PDGFC: variants seen among roughly 807,000 people sequenced by gnomAD.
PDGFC encodes platelet-derived growth factor C.
Under a neutral mutation model 35.5 loss-of-function variants are expected in PDGFC, and 12 were observed. The observed-to-expected ratio is 0.34, with a 90% CI of 0.22 to 0.55. The LOEUF (loss-of-function observed/expected upper bound fraction) is 0.55, where lower values mean the gene tolerates loss of function less well. Ranked by LOEUF, PDGFC falls within the 20% of genes least tolerant of loss-of-function variation. PDGFC has a pLI of 0.91. For missense variants in PDGFC, 322 were observed against 412.4 expected (o/e 0.78, Z 1.90); for synonymous variants, 159 against 148.8 (o/e 1.07, Z -0.50).
intron 1 of PDGFC, among the ~76,000 whole-genome samples, chr4:156,883,355 T>A (rs6846465): frequency 0.061 from 9,320 of 152,168 alleles, 914 homozygotes; most frequent in African/African-American, 0.21. Flanking sequence ...TGGATTAAAG[T>A]CATTGGGTTT....
Position 156,761,983 on chromosome 4 carries a change from T to C in PDGFC, c.*1107A>G, listed in dbSNP as rs1159064759. On this transcript the variant is annotated 3_prime_UTR_variant, in exon 6 of 6. Coordinates refer to ENST00000502773, the MANE Select transcript of PDGFC (RefSeq NM_016205.3). Reference sequence around the variant, plus strand: ...AGATTTCCCCAAAAAAGGAATAGGTTAGTAATGGCTGGATCTGAATGTCTA... The same window carrying C: ...AGATTTCCCCAAAAAAGGAATAGGTCAGTAATGGCTGGATCTGAATGTCTA... The C allele has an allele frequency of 6.6e-6, 1 of 152,652 alleles. No homozygotes were observed. Among genetic ancestry groups the C allele is most frequent in the East Asian group, 1.9e-4 (1 of 5,198 alleles). 9.5% of individuals were successfully genotyped at this position (152,652 alleles called of 1,614,324 possible).
At position 156,761,393 on chromosome 4, in the gene PDGFC, G is replaced by A. The variant is rs1730372257; in HGVS notation, c.*1697C>T. 1 of 152,134 alleles carries A rather than the reference G, an allele frequency of 6.6e-6. No individual in the cohort carries two copies. Among genetic ancestry groups the A allele is most frequent in the African/African-American group, 2.4e-5 (1 of 41,408 alleles). 9.4% of individuals were successfully genotyped at this position (152,134 alleles called of 1,614,324 possible). ...AAACCATACAACTTTCAAGTCAGGTGAAACTTAAATTACCAGAAATCTGTA... is the reference window on the plus strand; with the variant it reads ...AAACCATACAACTTTCAAGTCAGGTAAAACTTAAATTACCAGAAATCTGTA... On this transcript the variant is annotated 3_prime_UTR_variant, in exon 6 of 6. Coordinates refer to ENST00000502773, the MANE Select transcript of PDGFC (RefSeq NM_016205.3).
chr4:156,873,338 T>G (rs554429826), intron 1 of PDGFC, among the ~76,000 whole-genome samples: 1 of 152,182 alleles, frequency 6.6e-6, no homozygotes, highest in Non-Finnish European at 1.5e-5. Flanking sequence ...CCCAAATTCC[T>G]GAAGTGATAG....
rs544370046 is a variant in PDGFC, at chr4:156,829,159, T to C, written c.315-18142A>G. Among the ~76,000 whole-genome samples, 291 of 152,316 alleles carry C rather than the reference T, an allele frequency of 1.9e-3. 2 individuals are homozygous for C. The highest frequency in any genetic ancestry group is 2.7e-3 in the Non-Finnish European group (182 of 67,998). ...TAGGAAAACAACTTTCTAACTCTTA[T>C]GATCTACTAAGATCATCACTCTTAT... On this transcript the variant is annotated intron_variant, in intron 2 of 5. Transcript: ENST00000502773.
chr4:156,768,021 T>G (rs200467587), intron 4 of PDGFC, 31 bp from the exon 5 acceptor site: 1 of 1,269,092 alleles, frequency 7.9e-7, no homozygotes, highest in Admixed American at 1.7e-5. Context: ...CAAAGAAAAA[T>G]AGATGTTGAT....
At chr4:156,834,437 T>C (rs1328554602) in intron 2 of PDGFC, among the ~76,000 whole-genome samples, 1 of 152,158 alleles carries the variant, frequency 6.6e-6, no homozygotes, top group East Asian at 1.9e-4. Flanking sequence ...CATGAAATAA[T>C]TTTAGAAGCA....
At chr4:156,828,061 G>T (rs1728830856) in intron 2 of PDGFC, among the ~76,000 whole-genome samples, 1 of 152,140 alleles carries the variant, frequency 6.6e-6, no homozygotes, top group Admixed American at 6.6e-5. Context: ...ACTTCCGCCG[G>T]AAATGTTATA....
In PDGFC at chr4:156,772,880, G is replaced by T; in HGVS notation, c.509C>A (p.Ala170Asp). 6.2e-7 allele frequency: 1 copy of T among 1,610,898 alleles called. No individual in the cohort carries two copies. Among genetic ancestry groups the T allele is most frequent in the South Asian group, 1.1e-5 (1 of 91,038 alleles). ...YNIVMPQFTE[A>D]VSPSVLPPSA... is the part of the protein sequence containing the mutation. ...AGGGGGTAGCACTGAAGGACTCACA[G>T]CTTCTGTGAATTGCTGAAAGTAAAA... Residue 170 changes from alanine to aspartate, a missense_variant, in exon 4 of 6, where the codon GCT becomes GAT. Ala to Asp is a moderately radical substitution (Grantham distance 126). This residue lies in a region of PDGFC where 202 missense variants were observed against 295.9 expected (regional missense o/e 0.68). Transcript: ENST00000502773.
At chr4:156,798,270 T>C (rs1731504707) in intron 3 of PDGFC, among the ~76,000 whole-genome samples, 1 of 152,100 alleles carries the variant, frequency 6.6e-6, no homozygotes, top group African/African-American at 2.4e-5. Context: ...TAAACCTCAT[T>C]TAAGAGAAGT....
Position 156,970,846 on chromosome 4 carries a change from TC to T in PDGFC, c.57del (p.Thr20LeufsTer7). 1 of 1,613,844 alleles carries T rather than the reference TC, an allele frequency of 6.2e-7. No individual in the cohort carries two copies. Among genetic ancestry groups the T allele is most frequent in the Non-Finnish European group, 8.5e-7 (1 of 1,179,924 alleles). On this transcript the variant is annotated frameshift_variant, in exon 1 of 6. Coordinates refer to ENST00000502773, the MANE Select transcript of PDGFC (RefSeq NM_016205.3). LOFTEE classifies it high-confidence loss of function. ...LTSALAGQRQ[G>X]TQAESNLSSK... ...CTACTCAGGTTGGATTCCGCCTGAG[TC>T]CCCTGTCTCTGGCCGGCCAGGGCAG...
At chr4:156,850,099 T>G in intron 2 of PDGFC, 122 bp downstream of exon 2, 1 of 519,510 alleles carries the variant, frequency 1.9e-6, no homozygotes, top group Admixed American at 3.8e-5. Context: ...GGCTGGAAAT[T>G]TCTTAGATCA....
intron 1 of PDGFC, among the ~76,000 whole-genome samples, chr4:156,877,947 A>G (rs1216320921): frequency 3.9e-5 from 6 of 152,058 alleles, no homozygotes; most frequent in African/African-American, 1.2e-4. Context: ...CTCTCCTAAC[A>G]TGTTATCCTT....
At chr4:156,763,993 TTAAAG>T (rs1560801432) in intron 5 of PDGFC, among the ~76,000 whole-genome samples, 1 of 152,244 alleles carries the variant, frequency 6.6e-6, no homozygotes, top group Non-Finnish European at 1.5e-5. Context: ...AAAATATTAA[TTAAAG>T]TATTTGGTGT....
At chr4:156,896,622 G>A (rs1031576585) in intron 1 of PDGFC, among the ~76,000 whole-genome samples, 2 of 152,090 alleles carry the variant, frequency 1.3e-5, no homozygotes, top group South Asian at 4.1e-4. Context: ...CAAAATTTCA[G>A]TTACATATTT....
chr4:156,805,360 C>A (rs1317352766), intron 3 of PDGFC, among the ~76,000 whole-genome samples: 1 of 151,984 alleles, frequency 6.6e-6, no homozygotes, highest in Non-Finnish European at 1.5e-5. Flanking sequence ...CAAAAAAATT[C>A]TAAGCATCAA....
chr4:156,860,321 A>G (rs1729679964), intron 1 of PDGFC, among the ~76,000 whole-genome samples: 1 of 152,110 alleles, frequency 6.6e-6, no homozygotes, highest in South Asian at 2.1e-4. Flanking sequence ...TGGCATTTGC[A>G]CTGTTTATGT....
rs1410282852 is a variant in PDGFC at position 156,762,029 on chromosome 4, T to C, written c.*1061A>G. The C allele has an allele frequency of 6.6e-6, 1 of 152,654 alleles. No homozygotes were observed. Among genetic ancestry groups the C allele is most frequent in the African/African-American group, 2.4e-5 (1 of 41,448 alleles). The allele number at this position is 152,654 out of a possible 1,614,324, so 9.5% of individuals were successfully genotyped here. On this transcript the variant is annotated 3_prime_UTR_variant, in exon 6 of 6. Transcript: ENST00000502773. The stretch of plus-strand genomic sequence containing the variant: ...GTCTACTTTCATAAGTTGCTTTTTA[T>C]TTTCATCTCCAATAACAGGAATGGA...
chr4:156,787,415 G>A (rs1487224034), intron 3 of PDGFC, among the ~76,000 whole-genome samples: 2 of 152,168 alleles, frequency 1.3e-5, no homozygotes, highest in Admixed American at 6.5e-5. Context: ...TACCAAGTGC[G>A]ATTCTGACAA....
chr4:156,965,655 G>T (rs1264233926), intron 1 of PDGFC, among the ~76,000 whole-genome samples: 1 of 151,972 alleles, frequency 6.6e-6, no homozygotes, highest in Admixed American at 6.6e-5. Context: ...ATTGTATGCT[G>T]AGTGTGCCAT....
Sources: gnomAD v4.1 joint callset for allele counts (sites outside exome capture counted in the v4.1 genomes callset) on GRCh38, gnomAD v4.1.1 for gene constraint, gnomAD v4.1.1 regional missense constraint, MANE v1.5 for transcripts, NCBI Gene and HGNC (gene_info 2026-07-23, HGNC 2026-07-21) for gene names.